The following PTPRN2 variants were observed in gnomAD, a reference collection of about 807,000 sequenced individuals.
The protein encoded by PTPRN2 is protein tyrosine phosphatase receptor type N2.
A neutral mutation model predicts 118.8 loss-of-function variants in PTPRN2; 74 were observed. That is an observed-to-expected ratio of 0.62 (90% CI 0.52 to 0.76). PTPRN2 has a LOEUF of 0.76. Ranked by LOEUF, PTPRN2 falls within the 30% of genes least tolerant of loss-of-function variation. The pLI is 0.00. For synonymous variants in PTPRN2, 641 were observed against 608.0 expected, an observed-to-expected ratio of 1.05 and a Z score of -0.80; for missense variants, 1,481 against 1,394.4, an observed-to-expected ratio of 1.06 and a Z score of -0.99.
intron 3 of PTPRN2, among the ~76,000 whole-genome samples, chr7:158,283,664 T>C (rs1799582633): frequency 6.6e-6 from 1 of 152,096 alleles, no homozygotes; most frequent in Non-Finnish European, 1.5e-5. Flanking sequence ...AATGGCATAA[T>C]GACCGGACCT....
chr7:157,656,812 CACACAT>C (rs1806130335), intron 13 of PTPRN2, among the ~76,000 whole-genome samples: 1 of 126,422 alleles, frequency 7.9e-6, no homozygotes, highest in Non-Finnish European at 1.8e-5. Context: ...AGAATACAAA[CACACAT>C]ACACACACAC....
chr7:157,880,241 C>T (rs565407009), intron 12 of PTPRN2, among the ~76,000 whole-genome samples: 1 of 152,282 alleles, frequency 6.6e-6, no homozygotes, highest in South Asian at 2.1e-4. Flanking sequence ...CACAATCAGG[C>T]CCTGTGATGT....
intron 3 of PTPRN2, among the ~76,000 whole-genome samples, chr7:158,279,876 G>A (rs931754917): frequency 3.3e-5 from 5 of 152,108 alleles, no homozygotes; most frequent in Admixed American, 6.5e-5. Context: ...CTGCTAGCAC[G>A]TTATCACCTC....
chr7:157,549,317 C>CTTTTTT (rs1265288004), intron 21 of PTPRN2, among the ~76,000 whole-genome samples: 1 of 128,300 alleles, frequency 7.8e-6, no homozygotes, highest in African/African-American at 2.9e-5. Context: ...TCTTTTCTTT[C>CTTTTTT]TTTTCTTTTT....
chr7:157,540,750 C>T lies in PTPRN2; in HGVS notation c.3012G>A (p.Glu1004=). 1 of 1,570,060 alleles carries T rather than the reference C, an allele frequency of 6.4e-7. No homozygotes were observed. Residue 1004 remains glutamate, a synonymous_variant, in exon 23 of 23, where the codon GAG becomes GAA. Transcript: ENST00000389418. ...GGGCCTTGAGGATGGCGTTCACCTC[C>T]TCAGCCACGGCTGTCAGCGCGAACT... The part of the protein sequence containing the change: ...QFEFALTAVA[E]EVNAILKALP...
At chr7:158,273,780 C>T (rs1473568577) in intron 3 of PTPRN2, among the ~76,000 whole-genome samples, 48 of 112,322 alleles carry the variant, frequency 4.3e-4, no homozygotes, top group Admixed American at 2.7e-3. Context: ...TGGGAGGAGC[C>T]GCAGACACGG....
At chr7:157,792,336 G>A (rs1320086384) in intron 12 of PTPRN2, among the ~76,000 whole-genome samples, 1 of 152,232 alleles carries the variant, frequency 6.6e-6, no homozygotes, top group East Asian at 1.9e-4. Flanking sequence ...CCAGCCCTGG[G>A]CCATCTCCCT....
chr7:157,615,422 G>C lies in PTPRN2; in HGVS notation c.2344+5940C>G, dbSNP rs1358345398. 1 of 471,064 alleles carries C rather than the reference G, an allele frequency of 2.1e-6. No homozygotes were observed. Among genetic ancestry groups the C allele is most frequent in the Non-Finnish European group, 4.4e-6 (1 of 227,042 alleles). The allele number at this position is 471,064 out of a possible 1,614,324, so 29.2% of individuals were successfully genotyped here. ...CTGTCCCTGTGTGAATCTCAGGGCT[G>C]TTTCGAGGATGAAAAGGAGGTGTTT... On this transcript the variant is annotated intron_variant, in intron 15 of 22. Transcript: ENST00000389418. This position sits in a 1 kb window ranked among gnomAD's most constrained non-coding sequence, Gnocchi z 4.3.
At chr7:158,252,707 G>A (rs566683900) in intron 3 of PTPRN2, among the ~76,000 whole-genome samples, 68 of 152,304 alleles carry the variant, frequency 4.5e-4, no homozygotes, top group African/African-American at 1.5e-3. Flanking sequence ...GGAGGAGGCT[G>A]ACAGCCCAGT....
chr7:157,871,776 C>G (rs2151261878), intron 12 of PTPRN2, among the ~76,000 whole-genome samples: 1 of 151,618 alleles, frequency 6.6e-6, no homozygotes, highest in Admixed American at 6.6e-5. Context: ...CACACACACA[C>G]ACAGACCCCT....
intron 12 of PTPRN2, among the ~76,000 whole-genome samples, chr7:157,883,146 G>T (rs1333685260): frequency 4.0e-5 from 6 of 150,270 alleles, no homozygotes; most frequent in African/African-American, 1.5e-4. Context: ...TCAGGGATCA[G>T]AACACACCAC....
rs1796910191 is a variant in PTPRN2 at position 157,893,262 on chromosome 7, A to C, written c.1788+5411T>G. Reference sequence around the variant, plus strand: ...CGGAGCCTCTGCCCCTGGGAATGGCAAGGTCCATCCTCTGCTCGCTCAGGG... The same window carrying C: ...CGGAGCCTCTGCCCCTGGGAATGGCCAGGTCCATCCTCTGCTCGCTCAGGG... On this transcript the variant is annotated intron_variant, in intron 12 of 22. Coordinates refer to ENST00000389418, the MANE Select transcript of PTPRN2 (RefSeq NM_002847.5). This position sits in a 1 kb window ranked among gnomAD's most constrained non-coding sequence, Gnocchi z 4.0. Among the ~76,000 whole-genome samples the C allele has an allele frequency of 6.6e-6, 1 of 152,210 alleles. No homozygotes were observed.
chr7:158,085,926 C>T (rs1467948069), intron 10 of PTPRN2, among the ~76,000 whole-genome samples: 3 of 150,850 alleles, frequency 2.0e-5, no homozygotes, highest in Non-Finnish European at 4.4e-5. Flanking sequence ...CCCATCCACA[C>T]CCATGACGCC....
chr7:158,032,317 A>C (rs9918708), intron 11 of PTPRN2, among the ~76,000 whole-genome samples: 2 of 152,086 alleles, frequency 1.3e-5, no homozygotes, highest in Non-Finnish European at 2.9e-5. Flanking sequence ...TCTAGGCCAC[A>C]TTAGAGACAG....
In PTPRN2 at chr7:158,304,394, A is replaced by G. The variant is rs144120713; in HGVS notation, c.277+12425T>C. On this transcript the variant is annotated intron_variant, in intron 3 of 22. Coordinates refer to ENST00000389418, the MANE Select transcript of PTPRN2 (RefSeq NM_002847.5). Reference sequence around the variant, plus strand: ...TCTAGGGAGGCATAAGACATCCGTCAATATGCTAAGACGTACACAGGCTTG... The same window carrying G: ...TCTAGGGAGGCATAAGACATCCGTCGATATGCTAAGACGTACACAGGCTTG... Among the ~76,000 whole-genome samples the G allele has an allele frequency of 5.2e-3, 792 of 151,482 alleles. 7 individuals carry two copies. The highest frequency in any genetic ancestry group is 7.9e-3 in the Non-Finnish European group (538 of 67,898).
intron 3 of PTPRN2, among the ~76,000 whole-genome samples, chr7:158,235,671 T>C (rs986349420): frequency 2.6e-5 from 4 of 152,198 alleles, no homozygotes; most frequent in Admixed American, 1.3e-4. Flanking sequence ...TAGTGTTTGA[T>C]AGATCAACAG....
In PTPRN2 at chr7:157,674,346, T is replaced by A. The variant is rs1373209291; in HGVS notation, c.2001+8379A>T. ...GCTGGAGGCGGCCGGCAGATCAGCC[T>A]TCCTTATCCACGTCCTCGAAGTGAT... On this transcript the variant is annotated intron_variant, in intron 13 of 22. Transcript: ENST00000389418. The surrounding 1 kb of genome is among the most constrained non-coding windows in gnomAD (Gnocchi z 4.5). Among the ~76,000 whole-genome samples, 1 of 152,120 alleles carries A rather than the reference T, an allele frequency of 6.6e-6. No homozygotes were observed. The highest frequency in any genetic ancestry group is 1.9e-4 in the East Asian group (1 of 5,166).
chr7:158,353,125 C>G (rs1012456757), intron 2 of PTPRN2, among the ~76,000 whole-genome samples: 2 of 152,242 alleles, frequency 1.3e-5, no homozygotes, highest in African/African-American at 4.8e-5. Context: ...AATAAGAAAA[C>G]TGAGGTCCTC....
intron 1 of PTPRN2, among the ~76,000 whole-genome samples, chr7:158,504,938 G>A (rs1372890461): frequency 6.6e-6 from 1 of 152,196 alleles, no homozygotes; most frequent in Non-Finnish European, 1.5e-5. Context: ...AGGTATATAT[G>A]TAAGACTTTC....
Sources: gnomAD v4.1 joint callset for allele counts (sites outside exome capture counted in the v4.1 genomes callset) on GRCh38, gnomAD v4.1.1 for gene constraint, Gnocchi (gnomAD v3.1) non-coding constraint, MANE v1.5 for transcripts, NCBI Gene and HGNC (gene_info 2026-07-23, HGNC 2026-07-21) for gene names.